Variants in NAT10 observed in about 807,000 individuals in gnomAD.
The protein encoded by NAT10 is RNA cytidine acetyltransferase.
A neutral mutation model predicts 132.2 loss-of-function variants in NAT10; 109 were observed. The observed-to-expected ratio is 0.82, with a 90% CI of 0.71 to 0.97. The LOEUF (loss-of-function observed/expected upper bound fraction) is 0.97, where lower values mean the gene tolerates loss of function less well. NAT10 is among the 50% of genes least tolerant of loss of function. NAT10 has a pLI of 0.00. For missense variants in NAT10, 1,184 were observed against 1,263.4 expected (o/e 0.94, Z 0.95); for synonymous variants, 479 against 478.0 (o/e 1.00, Z -0.03).
At chr11:34,112,859 G>A (rs1851719185) in intron 4 of NAT10, among the ~76,000 whole-genome samples, 1 of 152,112 alleles carries the variant, frequency 6.6e-6, no homozygotes, top group Admixed American at 6.5e-5. Flanking sequence ...TGATTCCTGT[G>A]CCACCTCCCT....
chr11:34,110,558 C>CCTTTTTTTTTTTTTTTTTTTTTTTTTT (rs1565106047), intron 3 of NAT10, among the ~76,000 whole-genome samples: 1 of 134,862 alleles, frequency 7.4e-6, no homozygotes, highest in Non-Finnish European at 1.5e-5. Flanking sequence ...TTTTTCTTTC[C>CCTTTTTTTTTTTTTTTTTTTTTTTTTT]CTTTTTTTTT....
Position 34,132,241 on chromosome 11 carries a change from G to A in NAT10, c.1617+20G>A. The A allele has an allele frequency of 6.3e-7, 1 of 1,581,068 alleles. No individual in the cohort carries two copies. Among genetic ancestry groups the A allele is most frequent in the Non-Finnish European group, 8.7e-7 (1 of 1,150,034 alleles). Reference sequence around the variant, plus strand: ...TACAAGGTAACTGCAGCTAGCCCTTGTGTGAATGGTAGCAGGGAGCTTCAG... The same window carrying A: ...TACAAGGTAACTGCAGCTAGCCCTTATGTGAATGGTAGCAGGGAGCTTCAG... On this transcript the variant is annotated intron_variant, in intron 15 of 28. Coordinates refer to ENST00000257829, the MANE Select transcript of NAT10 (RefSeq NM_024662.3).
At chr11:34,128,936 T>C (rs1037007242) in intron 12 of NAT10, among the ~76,000 whole-genome samples, 2 of 152,254 alleles carry the variant, frequency 1.3e-5, no homozygotes, top group South Asian at 4.1e-4. Context: ...TTATAAAATA[T>C]GTGGTCTTCC....
chr11:34,117,060 TATG>T lies in NAT10; in HGVS notation c.558-1118_558-1116del, dbSNP rs1354265931. ...AACACTAGTCTTTTAAGAGGGAACA[TATG>T]AGGAGGGTTTGGCCATATATGTCTG... On this transcript the variant is annotated intron_variant, in intron 6 of 28. Coordinates refer to ENST00000257829, the MANE Select transcript of NAT10 (RefSeq NM_024662.3). Among the ~76,000 whole-genome samples the T allele has an allele frequency of 7.9e-5, 12 of 152,244 alleles. No individual in the cohort carries two copies. The South Asian group carries it at 1.7e-3, about 21-fold the overall frequency.
chr11:34,135,366 C>T (rs1021062976), intron 19 of NAT10, 75 bp downstream of exon 19: 30 of 1,218,824 alleles, frequency 2.5e-5, no homozygotes, highest in Admixed American at 7.0e-5. Context: ...GGGGCATCAA[C>T]AAAAACCAGT....
intron 3 of NAT10, 133 bp downstream of exon 3, chr11:34,108,966 G>A (rs907102687): frequency 2.9e-6 from 2 of 682,252 alleles, no homozygotes; most frequent in East Asian, 3.0e-5. Context: ...AAATGGAGCT[G>A]ATATCCTTTC....
In NAT10 at chr11:34,136,973, T is replaced by C; in HGVS notation, c.2163-5T>C. ...CAGTGACCTACTGTCTTTGTATCTT[T>C]GCAGGTTCTGGAAACGAGCTGGATT... On this transcript the variant is annotated splice_region_variant and splice_polypyrimidine_tract_variant and intron_variant, in intron 20 of 28. Coordinates refer to ENST00000257829, the MANE Select transcript of NAT10 (RefSeq NM_024662.3). 6.2e-7 allele frequency: 1 copy of C among 1,614,220 alleles called. No individual in the cohort carries two copies. The highest frequency in any genetic ancestry group is 8.5e-7 in the Non-Finnish European group (1 of 1,180,044).
intron 9 of NAT10, 134 bp from the exon 10 acceptor site, chr11:34,123,628 C>T: frequency 1.6e-6 from 1 of 627,444 alleles, no homozygotes; most frequent in South Asian, 2.1e-5. Context: ...AAAAGGTGTC[C>T]TGACTTTTTC....
At position 34,135,249 on chromosome 11, in the gene NAT10, G is replaced by T. The variant is rs772024616; in HGVS notation, c.1986G>T (p.Lys662Asn). The change falls in exon 19 of 29, where the codon AAG becomes AAT. Residue 662 changes from lysine to asparagine, a missense_variant. Physicochemically the swap from Lys to Asn is moderately conservative, Grantham distance 94. Transcript: ENST00000257829. ...YEGRFPCLEE[K>N]VLETPQEIHT... The stretch of plus-strand genomic sequence containing the variant: ...GCAGGTTTCCTTGTCTGGAGGAAAA[G>T]GTCCTTGAGACACCACAGGAAATTC... 3 of 1,614,144 alleles carry T rather than the reference G, an allele frequency of 1.9e-6. No homozygotes were observed. The highest frequency in any genetic ancestry group is 1.7e-6 in the Non-Finnish European group (2 of 1,180,018).
chr11:34,131,545 G>T lies in NAT10; in HGVS notation c.1520+14G>T, dbSNP rs1852105325. 2 of 1,604,896 alleles carry T rather than the reference G, an allele frequency of 1.2e-6. No homozygotes were observed. The highest frequency in any genetic ancestry group is 8.5e-7 in the Non-Finnish European group (1 of 1,174,558). On this transcript the variant is annotated intron_variant, in intron 14 of 28. Coordinates refer to ENST00000257829, the MANE Select transcript of NAT10 (RefSeq NM_024662.3). ...AGCTTGTGAACTGTATCCTCCTCTG[G>T]GTTTCACTGGCCCTGTGAAAAGGAG...
intron 5 of NAT10, among the ~76,000 whole-genome samples, chr11:34,114,058 C>G (rs902185103): frequency 6.6e-6 from 1 of 152,182 alleles, no homozygotes; most frequent in African/African-American, 2.4e-5. Flanking sequence ...CCTTTGTTTT[C>G]AGGCACTTGC....
chr11:34,136,705 TTGAA>T lies in NAT10; in HGVS notation c.2096_2099del (p.Asn699ArgfsTer16). ...GGACCTGCCTCCTTTACTCCTCAAA[TTGAA>T]TGAGAGGCCTGCCGAACGCCTGGAT... On this transcript the variant is annotated frameshift_variant, in exon 20 of 29. Coordinates refer to ENST00000257829, the MANE Select transcript of NAT10 (RefSeq NM_024662.3). LOFTEE classifies it high-confidence loss of function. 6.2e-7 allele frequency: 1 copy of T among 1,614,142 alleles called. No individual in the cohort carries two copies. Among genetic ancestry groups the T allele is most frequent in the Non-Finnish European group, 8.5e-7 (1 of 1,180,020 alleles).
chr11:34,119,507 G>T (rs1165987006), intron 8 of NAT10, among the ~76,000 whole-genome samples: 1 of 152,320 alleles, frequency 6.6e-6, no homozygotes, highest in South Asian at 2.1e-4. Context: ...TCACAAAAGA[G>T]AAGGAGTGAG....
At chr11:34,132,885 A>G (rs2982617) in intron 15 of NAT10, 141 bp from the exon 16 acceptor site, 637,487 of 706,312 alleles carry the variant, frequency 0.9, 288,797 homozygotes, top group East Asian at 1. Flanking sequence ...AAATACTAGA[A>G]AGGTGCTTTG....
chr11:34,131,001 C>T (rs930773529), intron 13 of NAT10, 64 bp downstream of exon 13: 11 of 1,588,426 alleles, frequency 6.9e-6, no homozygotes, highest in East Asian at 2.3e-5. Flanking sequence ...TACTGATCCT[C>T]GCTTCCCCTG....
chr11:34,141,863 T>C, intron 26 of NAT10, 46 bp downstream of exon 26: 1 of 1,519,358 alleles, frequency 6.6e-7, no homozygotes, highest in Non-Finnish European at 9.1e-7. Flanking sequence ...TTTCCATCAG[T>C]TGCCTTAGGC....
intron 9 of NAT10, among the ~76,000 whole-genome samples, 177 bp from the exon 10 acceptor site, chr11:34,123,585 C>T (rs1170069137): frequency 6.6e-6 from 1 of 152,234 alleles, no homozygotes; most frequent in Non-Finnish European, 1.5e-5. Flanking sequence ...ATGTTGGTAG[C>T]TAAATGTCTG....
At chr11:34,135,969 GAAAA>G (rs765037084) in intron 19 of NAT10, among the ~76,000 whole-genome samples, 1 of 150,622 alleles carries the variant, frequency 6.6e-6, no homozygotes, top group Non-Finnish European at 1.5e-5. Flanking sequence ...CTCAAGCAAT[GAAAA>G]AAAAAGTTCA....
At chr11:34,128,940 G>T (rs1464256472) in intron 12 of NAT10, among the ~76,000 whole-genome samples, 1 of 152,120 alleles carries the variant, frequency 6.6e-6, no homozygotes, top group Non-Finnish European at 1.5e-5. Flanking sequence ...AAAATATGTG[G>T]TCTTCCATGA....
Sources: gnomAD v4.1 joint callset for allele counts (sites outside exome capture counted in the v4.1 genomes callset) on GRCh38, gnomAD v4.1.1 for gene constraint, MANE v1.5 for transcripts, NCBI Gene and HGNC (gene_info 2026-07-23, HGNC 2026-07-21) for gene names.